Variants in TYK2 observed in about 807,000 individuals in gnomAD.
TYK2 encodes tyrosine kinase 2.
A neutral mutation model predicts 130.9 loss-of-function variants in TYK2; 65 were observed. That is an observed-to-expected ratio of 0.50 (90% CI 0.41 to 0.61). The LOEUF is 0.61. Ranked by LOEUF, TYK2 falls within the 20% of genes least tolerant of loss-of-function variation. TYK2 has a pLI of 0.00. For missense variants in TYK2, 1,378 were observed against 1,610.7 expected, an observed-to-expected ratio of 0.86 and a Z score of 2.47; for synonymous variants, 647 against 658.9, an observed-to-expected ratio of 0.98 and a Z score of 0.28.
chr19:10,357,933 T>C lies in TYK2; in HGVS notation c.2312-15A>G. 3.1e-6 allele frequency: 5 copies of C among 1,613,510 alleles called. No individual in the cohort carries two copies. The highest frequency in any genetic ancestry group is 4.2e-6 in the Non-Finnish European group (5 of 1,180,024). On this transcript the variant is annotated splice_polypyrimidine_tract_variant and intron_variant, in intron 16 of 24. Transcript: ENST00000525621. ...CTCCACCCGCTCTGGGAGGCCAAGG[T>C]CAGAGGTCACCAAGGGTGAAAGGAG... is the stretch of plus-strand genomic sequence containing the variant.
At position 10,355,246 on chromosome 19, in the gene TYK2, C is replaced by T. The variant is rs530365134; in HGVS notation, c.2618-637G>A. Among the ~76,000 whole-genome samples the T allele has an allele frequency of 9.3e-5, 14 of 151,286 alleles. No individual in the cohort carries two copies. The South Asian group carries it at 2.1e-3, about 23-fold the overall frequency. Reference sequence around the variant, plus strand: ...GTCTCAGGCTGCAGTGAGCCATGATCGTGCCTCTGAATAACCACCACACTC... The same window carrying T: ...GTCTCAGGCTGCAGTGAGCCATGATTGTGCCTCTGAATAACCACCACACTC... On this transcript the variant is annotated intron_variant, in intron 18 of 24. Transcript: ENST00000525621.
intron 3 of TYK2, among the ~76,000 whole-genome samples, chr19:10,371,650 T>C (rs897444000): frequency 6.6e-6 from 1 of 151,336 alleles, no homozygotes; most frequent in African/African-American, 2.4e-5. Context: ...AAAAAAAAAG[T>C]TATGAACTGT....
chr19:10,362,795 G>GA (rs2041475410), intron 9 of TYK2, 138 bp from the exon 10 acceptor site: 2 of 733,012 alleles, frequency 2.7e-6, no homozygotes, highest in African/African-American at 3.5e-5. Flanking sequence ...CTCTTGTGGG[G>GA]ACACTAACTC....
rs757660890 is a variant in TYK2 at position 10,361,854 on chromosome 19, G to T, written c.1875C>A (p.Asp625Glu). 2 of 1,613,998 alleles carry T rather than the reference G, an allele frequency of 1.2e-6. No individual in the cohort carries two copies. The highest frequency in any genetic ancestry group is 1.7e-5 in the Admixed American group (1 of 60,016). The change falls in exon 13 of 25, where the codon GAC becomes GAA. Residue 625 changes from aspartate to glutamate, a missense_variant. Physicochemically the swap from Asp to Glu is conservative, Grantham distance 45 (BLOSUM62 2). Transcript: ENST00000525621. The surrounding 1 kb of genome is among the most constrained non-coding windows in gnomAD (Gnocchi z 4.0). ...CACGGTCCCTGCCAGGCACGAGGGG[G>T]TCCTCGTCATCCATCTTGCCCTCCT... Reference protein sequence around the residue: ...DPEEGKMDDEDPLVPGRDRGQ... With the variant: ...DPEEGKMDDEEPLVPGRDRGQ...
Position 10,361,756 on chromosome 19 carries a change from C to T in TYK2, c.1959+14G>A. Reference sequence around the variant, plus strand: ...TCCACAGACACACCCCCAGGCCTGGCCCTGCCCACTCACCAGGGCGATGTC... The same window carrying T: ...TCCACAGACACACCCCCAGGCCTGGTCCTGCCCACTCACCAGGGCGATGTC... On this transcript the variant is annotated intron_variant, in intron 13 of 24. Coordinates refer to ENST00000525621, the MANE Select transcript of TYK2 (RefSeq NM_003331.5). The surrounding 1 kb of genome is among the most constrained non-coding windows in gnomAD (Gnocchi z 4.0). The T allele has an allele frequency of 6.2e-7, 1 of 1,612,374 alleles. No individual in the cohort carries two copies. The highest frequency in any genetic ancestry group is 2.2e-5 in the East Asian group (1 of 44,834).
chr19:10,354,414 A>C, intron 19 of TYK2, 98 bp downstream of exon 19: 2 of 1,388,750 alleles, frequency 1.4e-6, no homozygotes, highest in Non-Finnish European at 2.0e-6. Context: ...GGTCCCACCC[A>C]CATCTCCTGA....
chr19:10,353,969 C>T lies in TYK2; in HGVS notation c.2908+73G>A. The T allele has an allele frequency of 6.6e-7, 1 of 1,511,316 alleles. No individual in the cohort carries two copies. Among genetic ancestry groups the T allele is most frequent in the South Asian group, 1.1e-5 (1 of 88,102 alleles). The allele number at this position is 1,511,316 out of a possible 1,614,324, so 93.6% of individuals were successfully genotyped here. The stretch of plus-strand genomic sequence containing the variant: ...CTCTAATTGGCTAGGCCAGACTGGC[C>T]CCGCCCACAAGGCCACACCCACGCT... On this transcript the variant is annotated intron_variant, in intron 20 of 24. Coordinates refer to ENST00000525621, the MANE Select transcript of TYK2 (RefSeq NM_003331.5). This position sits in a 1 kb window ranked among gnomAD's most constrained non-coding sequence, Gnocchi z 6.9.
chr19:10,353,534 G>C lies in TYK2; in HGVS notation c.3021C>G (p.Ile1007Met), dbSNP rs749667172. The C allele has an allele frequency of 3.3e-6, 5 of 1,501,562 alleles. No homozygotes were observed. Among genetic ancestry groups the C allele is most frequent in the Non-Finnish European group, 4.5e-6 (5 of 1,122,280 alleles). 93.0% of individuals were successfully genotyped at this position (1,501,562 alleles called of 1,614,324 possible). ...AGGGGCGGGGCCGACCAACCTCGCA[G>C]ATCTGCTGGGCGAAGAGCAGCAGCT... is the stretch of plus-strand genomic sequence containing the variant. ...LAQLLLFAQQ[I>M]CEGMAYLHAQ... is the part of the protein sequence containing the mutation. Residue 1007 changes from isoleucine to methionine, a missense_variant, in exon 21 of 25, where the codon ATC (isoleucine) becomes ATG (methionine). Ile to Met is a conservative substitution (Grantham distance 10). Coordinates refer to ENST00000525621, the MANE Select transcript of TYK2 (RefSeq NM_003331.5). This position sits in a 1 kb window ranked among gnomAD's most constrained non-coding sequence, Gnocchi z 6.9.
Position 10,353,130 on chromosome 19 carries a change from TGG to T in TYK2, c.3028-34_3028-33del, listed in dbSNP as rs1404897181. Reference sequence around the variant, plus strand: ...ACGGGGCAGGGCTCGTGAGTTTCAGTGGGGCGGGGTTCGGCCGGGGGCGGCGG... The same window carrying T: ...ACGGGGCAGGGCTCGTGAGTTTCAGTGGCGGGGTTCGGCCGGGGGCGGCGG... On this transcript the variant is annotated intron_variant, in intron 21 of 24. Transcript: ENST00000525621. This position sits in a 1 kb window ranked among gnomAD's most constrained non-coding sequence, Gnocchi z 6.9. The T allele has an allele frequency of 2.1e-6, 3 of 1,463,180 alleles. No individual in the cohort carries two copies. In the South Asian group the frequency reaches 4.2e-5, roughly 20 times the overall value. 90.6% of individuals were successfully genotyped at this position (1,463,180 alleles called of 1,614,324 possible). A position where few individuals can be genotyped will look rare whatever the true frequency, so the allele number is the denominator to read the frequency against.
Position 10,354,523 on chromosome 19 carries a change from C to G in TYK2, c.2704G>C (p.Asp902His). Residue 902 changes from aspartate to histidine, a missense_variant, in exon 19 of 25, where the codon GAT (aspartate) becomes CAT (histidine). By Grantham distance (81) the Asp-to-His change is moderately conservative. Coordinates refer to ENST00000525621, the MANE Select transcript of TYK2 (RefSeq NM_003331.5). ...GGCCCGTCCCTCACCTCGCCCAGAT[C>G]TCGGATCTTTTTCAAATAGCGCTTG... ...FHKRYLKKIRDLGEGHFGKVS... is the reference protein window; with the variant it reads ...FHKRYLKKIRHLGEGHFGKVS... 1.2e-6 allele frequency: 2 copies of G among 1,614,104 alleles called. No individual in the cohort carries two copies. The highest frequency in any genetic ancestry group is 1.7e-6 in the Non-Finnish European group (2 of 1,180,018).
chr19:10,377,658 GGGTGGGT>G (rs1568346707), intron 3 of TYK2, among the ~76,000 whole-genome samples: 1 of 316 alleles, frequency 3.2e-3, no homozygotes, highest in Non-Finnish European at 5.9e-3. Context: ...ATGGATGAAT[GGGTGGGT>G]ATGGATGGAT....
chr19:10,354,258 A>T (rs1475322915), intron 19 of TYK2, 24 bp from the exon 20 acceptor site: 11 of 1,607,464 alleles, frequency 6.8e-6, no homozygotes, highest in Non-Finnish European at 9.3e-6. Context: ...CACGAGGGTC[A>T]GCTCCACCTC....
intron 3 of TYK2, among the ~76,000 whole-genome samples, chr19:10,370,169 G>C (rs947256969): frequency 6.6e-6 from 1 of 151,654 alleles, no homozygotes; most frequent in East Asian, 1.9e-4. Context: ...CGAGACCAGC[G>C]TGGCCAGCAT....
In TYK2 at chr19:10,361,233, T is replaced by C; in HGVS notation, c.2047+278A>G. The C allele has an allele frequency of 1.7e-6, 1 of 584,588 alleles. No individual in the cohort carries two copies. The highest frequency in any genetic ancestry group is 3.1e-6 in the Non-Finnish European group (1 of 320,574). The allele number at this position is 584,588 out of a possible 1,614,324, so 36.2% of individuals were successfully genotyped here. ...TGGACTGTAGAGGTTGTTTGGGAGG[T>C]TGATGGAAGTGGGGATGTAGTTGGG... On this transcript the variant is annotated intron_variant, in intron 14 of 24. Coordinates refer to ENST00000525621, the MANE Select transcript of TYK2 (RefSeq NM_003331.5). The surrounding 1 kb of genome is among the most constrained non-coding windows in gnomAD (Gnocchi z 4.0).
chr19:10,364,682 G>A lies in TYK2; in HGVS notation c.1299C>T (p.Tyr433=). ...GTGGGGGAGCCACCTCGTGGCACAG[G>A]TAGTGGCTGGAGTCGGCCGTCAGGC... The part of the protein sequence containing the change: ...YFRLTADSSH[Y]LCHEVAPPRL... Residue 433 remains tyrosine (Y), a synonymous_variant, in exon 9 of 25, where the codon TAC becomes TAT. Transcript: ENST00000525621. The surrounding 1 kb of genome is among the most constrained non-coding windows in gnomAD (Gnocchi z 4.9). 1 of 1,613,882 alleles carries A rather than the reference G, an allele frequency of 6.2e-7. No homozygotes were observed. Among genetic ancestry groups the A allele is most frequent in the East Asian group, 2.2e-5 (1 of 44,878 alleles).
chr19:10,368,791 C>A (rs561997982), intron 3 of TYK2: 37 of 260,704 alleles, frequency 1.4e-4, no homozygotes, highest in African/African-American at 7.9e-4. Flanking sequence ...ACCATCCAAC[C>A]TGTACTTGAT....
At chr19:10,365,199 C>A (rs1436944180) in intron 7 of TYK2, 151 bp from the exon 8 acceptor site, 11 of 936,496 alleles carry the variant, frequency 1.2e-5, no homozygotes, top group Non-Finnish European at 1.7e-5. Flanking sequence ...GGGATGGGGA[C>A]CCACCCCAAA....
At position 10,353,968 on chromosome 19, in the gene TYK2, C is replaced by T. The variant is rs2040947010; in HGVS notation, c.2908+74G>A. 2.0e-6 allele frequency: 3 copies of T among 1,499,570 alleles called. No homozygotes were observed. Among genetic ancestry groups the T allele is most frequent in the South Asian group, 1.1e-5 (1 of 87,756 alleles). The allele number at this position is 1,499,570 out of a possible 1,614,324, so 92.9% of individuals were successfully genotyped here. A position where few individuals can be genotyped will look rare whatever the true frequency, so the allele number is the denominator to read the frequency against. On this transcript the variant is annotated intron_variant, in intron 20 of 24. Transcript: ENST00000525621. The surrounding 1 kb of genome is among the most constrained non-coding windows in gnomAD (Gnocchi z 6.9). ...TCTCTAATTGGCTAGGCCAGACTGG[C>T]CCCGCCCACAAGGCCACACCCACGC...
At chr19:10,351,791 T>A (rs1449429120) in intron 23 of TYK2, among the ~76,000 whole-genome samples, 1 of 152,030 alleles carries the variant, frequency 6.6e-6, no homozygotes, top group African/African-American at 2.4e-5. Flanking sequence ...CAGGCTGGAG[T>A]GCAGTGGCAT....
Sources: allele counts gnomAD v4.1 joint callset (sites outside exome capture counted in the v4.1 genomes callset), GRCh38; gene constraint gnomAD v4.1.1; non-coding constraint Gnocchi (gnomAD v3.1); transcripts MANE v1.5; gene names NCBI Gene and HGNC (gene_info 2026-07-23, HGNC 2026-07-21).